STAG1: variants seen among roughly 807,000 people sequenced by gnomAD.
The protein encoded by STAG1 is cohesin subunit SA-1.
A neutral mutation model predicts 170.9 loss-of-function variants in STAG1; 26 were observed. The observed-to-expected ratio is 0.15, with a 90% CI of 0.11 to 0.21. The LOEUF (loss-of-function observed/expected upper bound fraction) is 0.21. STAG1 is among the 10% of genes least tolerant of loss of function. The probability of loss-of-function intolerance (pLI) is 1.00; values close to 1 mark genes in which losing one functional copy is unlikely to be tolerated. For synonymous variants in STAG1, 514 were observed against 497.7 expected (o/e 1.03, Z -0.44); for missense variants, 964 against 1,509.5 (o/e 0.64, Z 5.99).
intron 21 of STAG1, among the ~76,000 whole-genome samples, chr3:136,412,596 T>C (rs143607824): frequency 3.0e-4 from 45 of 152,274 alleles, no homozygotes; most frequent in African/African-American, 1.1e-3. Context: ...ATGTGATGCA[T>C]TGAGGACAAA....
chr3:136,368,396 T>G (rs1032111450), intron 24 of STAG1, among the ~76,000 whole-genome samples: 3 of 152,192 alleles, frequency 2.0e-5, no homozygotes, highest in Admixed American at 2.0e-4. Flanking sequence ...CTAGTGAGGT[T>G]TGATAACAGT....
chr3:136,658,235 T>C (rs890426423), intron 1 of STAG1, among the ~76,000 whole-genome samples: 6 of 151,800 alleles, frequency 4.0e-5, no homozygotes, highest in Non-Finnish European at 7.4e-5. Flanking sequence ...GTAATACTGA[T>C]GATTAACGAA....
intron 20 of STAG1, 70 bp from the exon 21 acceptor site, chr3:136,418,042 G>A: frequency 8.7e-7 from 1 of 1,153,994 alleles, no homozygotes; most frequent in Non-Finnish European, 1.3e-6. Flanking sequence ...CTCAGTTCAG[G>A]TGAGTGGAAG....
At chr3:136,637,023 C>A (rs1263906004) in intron 1 of STAG1, among the ~76,000 whole-genome samples, 4 of 152,148 alleles carry the variant, frequency 2.6e-5, no homozygotes, top group Admixed American at 6.5e-5. Flanking sequence ...GAAAAGAAAT[C>A]CACACAGACA....
chr3:136,587,541 CAAAAAAAAAAA>C (rs747339467), intron 4 of STAG1, among the ~76,000 whole-genome samples: 2 of 60,788 alleles, frequency 3.3e-5, no homozygotes, highest in East Asian at 6.9e-4. Flanking sequence ...AACTCCATCT[CAAAAAAAAAAA>C]AAAAAAAAAG....
chr3:136,606,480 G>A (rs978800302), intron 3 of STAG1, among the ~76,000 whole-genome samples: 4 of 152,102 alleles, frequency 2.6e-5, no homozygotes, highest in East Asian at 1.9e-4. Context: ...CAGCCACCAC[G>A]AGCGGCCTGA....
chr3:136,700,715 G>A (rs1157742415), intron 1 of STAG1, among the ~76,000 whole-genome samples: 2 of 151,184 alleles, frequency 1.3e-5, no homozygotes, highest in Admixed American at 6.6e-5. Context: ...AGACCATAGA[G>A]CTAGCCACAG....
chr3:136,357,483 A>G (rs556906949), intron 28 of STAG1, among the ~76,000 whole-genome samples: 1 of 152,354 alleles, frequency 6.6e-6, no homozygotes, highest in East Asian at 1.9e-4. Flanking sequence ...GAACTGCATA[A>G]TAAGAAATCA....
intron 3 of STAG1, among the ~76,000 whole-genome samples, chr3:136,605,735 T>C (rs568349070): frequency 2.0e-5 from 3 of 152,318 alleles, no homozygotes; most frequent in African/African-American, 7.2e-5. Flanking sequence ...AGACAATAAA[T>C]TGAAATAAAT....
At chr3:136,477,437 C>T in intron 9 of STAG1, 25 bp from the exon 10 acceptor site, 1 of 1,579,838 alleles carries the variant, frequency 6.3e-7, no homozygotes, top group Non-Finnish European at 8.6e-7. Flanking sequence ...AAAAGACAAT[C>T]TCAAATTAAT....
Position 136,608,258 on chromosome 3 carries a change from C to CAA in STAG1, c.133-3787_133-3786dup, listed in dbSNP as rs397875177. 8.8e-3 allele frequency among the ~76,000 whole-genome samples: 1,105 copies of CAA among 125,090 alleles called. 10 individuals are homozygous for CAA. The highest frequency in any genetic ancestry group is 0.025 in the African/African-American group (821 of 33,426). 82.1% of individuals were successfully genotyped at this position (125,090 alleles called of 152,430 possible). ...TGGGCAACAGAGCAAGACTCCATCT[C>CAA]AAAAAAAAAAAAAAACTGCACACTG... On this transcript the variant is annotated intron_variant, in intron 3 of 33. Transcript: ENST00000383202.
chr3:136,392,782 A>C (rs1227752246), intron 22 of STAG1, among the ~76,000 whole-genome samples: 1 of 146,686 alleles, frequency 6.8e-6, no homozygotes, highest in African/African-American at 2.4e-5. Flanking sequence ...AAAAAAAAAA[A>C]AAAGAAAAGA....
chr3:136,604,444 T>G lies in STAG1; in HGVS notation c.162A>C (p.Pro54=). 1.9e-6 allele frequency: 3 copies of G among 1,603,344 alleles called. No individual in the cohort carries two copies. The highest frequency in any genetic ancestry group is 2.5e-6 in the Non-Finnish European group (3 of 1,177,210). ...CAGCTTCAATTCTGCTCTTCTCACC[T>G]GGAGATTTTCGAGGTTTCTTATTTG... ...PSTNKKPRKS[P]GEKSRIEAGI... Residue 54 remains proline, a synonymous_variant, in exon 4 of 34, where the codon CCA becomes CCC. Transcript: ENST00000383202.
At chr3:136,731,114 C>A (rs1934015424) in intron 1 of STAG1, among the ~76,000 whole-genome samples, 8 of 152,158 alleles carry the variant, frequency 5.3e-5, no homozygotes, top group Admixed American at 5.2e-4. Context: ...ATTCTCATCT[C>A]CAACATCTAC....
chr3:136,452,145 A>T lies in STAG1; in HGVS notation c.1316T>A (p.Leu439Gln). The T allele has an allele frequency of 6.2e-7, 1 of 1,608,736 alleles. No homozygotes were observed. Among genetic ancestry groups the T allele is most frequent in the Non-Finnish European group, 8.5e-7 (1 of 1,176,698 alleles). Residue 439 changes from leucine (L) to glutamine (Q), a missense_variant and splice_region_variant, in exon 14 of 34, where the codon CTA (leucine) becomes CAA (glutamine). Leu to Gln is a moderately radical substitution (Grantham distance 113). Around this residue, in one of 11 missense-constraint regions of STAG1, gnomAD observed 162 missense variants for 211.2 expected, o/e 0.77. Coordinates refer to ENST00000383202, the MANE Select transcript of STAG1 (RefSeq NM_005862.3). ...VAAGEFLHKK[L>Q]FSRHDPQAEE... ...TGCTTGTGGGTCATGTCTGCTAAAT[A>T]GCCTGGAAATGAAAAACAGGGCATT...
intron 13 of STAG1, among the ~76,000 whole-genome samples, chr3:136,464,384 T>G (rs137950796): frequency 6.6e-6 from 1 of 151,578 alleles, no homozygotes; most frequent in South Asian, 2.1e-4. Flanking sequence ...GACTGCACCA[T>G]TGTACTGTAG....
At chr3:136,551,252 A>C (rs1451578019) in intron 5 of STAG1, among the ~76,000 whole-genome samples, 1 of 140,768 alleles carries the variant, frequency 7.1e-6, no homozygotes, top group Non-Finnish European at 1.6e-5. Context: ...AGAGAGAGAG[A>C]GAGAGAGAGG....
chr3:136,565,044 G>GGCAGGCAGGCAGGCA (rs1937012382), intron 5 of STAG1, among the ~76,000 whole-genome samples: 1 of 6,956 alleles, frequency 1.4e-4, no homozygotes, highest in Admixed American at 1.4e-3. Context: ...GCAGGCAGAA[G>GGCAGGCAGGCAGGCA]GGAGGGAGGG....
At chr3:136,468,924 C>CA (rs1047834418) in intron 12 of STAG1, among the ~76,000 whole-genome samples, 3 of 152,078 alleles carry the variant, frequency 2.0e-5, no homozygotes, top group Admixed American at 1.3e-4. Flanking sequence ...AGGCCTTTGA[C>CA]AAAATTCAAC....
Sources: gnomAD v4.1 joint callset for allele counts (sites outside exome capture counted in the v4.1 genomes callset) on GRCh38, gnomAD v4.1.1 for gene constraint, gnomAD v4.1.1 regional missense constraint, MANE v1.5 for transcripts, NCBI Gene and HGNC (gene_info 2026-07-23, HGNC 2026-07-21) for gene names.